NR4A3: variants seen among roughly 807,000 people sequenced by gnomAD.
NR4A3 encodes the protein chondrosarcoma, extraskeletal myxoid, fused to EWS.
NR4A3 carries 13 observed loss-of-function variants against 55.6 expected under a neutral mutation model. The observed-to-expected ratio is 0.23, with a 90% CI of 0.15 to 0.37. The LOEUF (loss-of-function observed/expected upper bound fraction) is 0.37. Among genes scored for constraint, NR4A3 ranks in the 10% least tolerant of loss-of-function variants. NR4A3 has a pLI of 1.00. For missense variants in NR4A3, 646 were observed against 822.8 expected (o/e 0.79, Z 2.63); for synonymous variants, 342 against 357.9 (o/e 0.96, Z 0.50).
chr9:99,833,589 G>A (rs376256137), intron 5 of NR4A3, 135 bp downstream of exon 5: 113 of 1,602,576 alleles, frequency 7.1e-5, no homozygotes, highest in Admixed American at 1.0e-4. Flanking sequence ...TATATTTCTC[G>A]CTTCATTTAG....
At chr9:99,847,728 T>C (rs2118121555) in intron 7 of NR4A3, 113 bp downstream of exon 7, 2 of 1,012,952 alleles carry the variant, frequency 2.0e-6, no homozygotes, top group South Asian at 3.3e-5. Flanking sequence ...GACTACCATT[T>C]TTCTGAAATC....
At chr9:99,857,172 CG>C (rs2118157471) in intron 7 of NR4A3, among the ~76,000 whole-genome samples, 1 of 151,984 alleles carries the variant, frequency 6.6e-6, no homozygotes, top group East Asian at 1.9e-4. Flanking sequence ...GAGATAATAA[CG>C]GAAGTTCTTG....
At chr9:99,851,962 C>T (rs552744461) in intron 7 of NR4A3, among the ~76,000 whole-genome samples, 6 of 152,158 alleles carry the variant, frequency 3.9e-5, no homozygotes, top group Non-Finnish European at 7.3e-5. Context: ...CAAAGATGAG[C>T]CAGGCACGCA....
At chr9:99,830,740 G>T (rs1312878436) in intron 3 of NR4A3, among the ~76,000 whole-genome samples, 1 of 152,114 alleles carries the variant, frequency 6.6e-6, no homozygotes, top group African/African-American at 2.4e-5. Context: ...GATTTTTACA[G>T]GATTTCAGTG....
chr9:99,832,182 C>G (rs1444925057), intron 3 of NR4A3, among the ~76,000 whole-genome samples: 3 of 152,008 alleles, frequency 2.0e-5, no homozygotes, highest in African/African-American at 7.2e-5. Flanking sequence ...ACATTATTTC[C>G]TATATGTTTT....
chr9:99,846,432 C>A (rs1360563983), intron 6 of NR4A3, among the ~76,000 whole-genome samples: 1 of 152,080 alleles, frequency 6.6e-6, no homozygotes. Flanking sequence ...AGCCACACCC[C>A]AAGTCATCAT....
intron 7 of NR4A3, among the ~76,000 whole-genome samples, chr9:99,850,124 C>T (rs1308725008): frequency 1.3e-5 from 2 of 152,026 alleles, no homozygotes; most frequent in African/African-American, 2.4e-5. Context: ...CAGGGTGGGG[C>T]GGGACATAAA....
Position 99,864,692 on chromosome 9 carries a change from A to C in NR4A3, c.*825A>C, listed in dbSNP as rs896445016. ...AGATCCCTGCCCTGACTGTCCAGCT[A>C]TCCTGAAAGTGGATCAGATTATAAA... On this transcript the variant is annotated 3_prime_UTR_variant, in exon 8 of 8. Coordinates refer to ENST00000395097, the MANE Select transcript of NR4A3 (RefSeq NM_006981.4). The C allele has an allele frequency of 3.2e-4, 73 of 227,140 alleles. No individual in the cohort carries two copies. Among genetic ancestry groups the C allele is most frequent in the African/African-American group, 1.6e-3 (71 of 45,096 alleles). The allele number at this position is 227,140 out of a possible 1,614,324, so 14.1% of individuals were successfully genotyped here.
chr9:99,833,560 A>G (rs1180423911), intron 5 of NR4A3, 106 bp downstream of exon 5: 3 of 1,610,360 alleles, frequency 1.9e-6, no homozygotes, highest in African/African-American at 1.3e-5. Flanking sequence ...ACCATGTTAG[A>G]CAGTTTTCAT....
Position 99,851,088 on chromosome 9 carries a change from C to G in NR4A3, c.1633+3473C>G, listed in dbSNP as rs1827841778. Reference sequence around the variant, plus strand: ...CTCTACAGTGGTGTCTTTGGGCCTCCCCGACCAGGTAGCTCCTGTTCCTGC... The same window carrying G: ...CTCTACAGTGGTGTCTTTGGGCCTCGCCGACCAGGTAGCTCCTGTTCCTGC... On this transcript the variant is annotated intron_variant, in intron 7 of 7. Coordinates refer to ENST00000395097, the MANE Select transcript of NR4A3 (RefSeq NM_006981.4). 3.3e-5 allele frequency among the ~76,000 whole-genome samples: 5 copies of G among 152,152 alleles called. No individual in the cohort carries two copies. In the South Asian group the frequency reaches 1.0e-3, roughly 32 times the overall value.
intron 3 of NR4A3, among the ~76,000 whole-genome samples, chr9:99,830,938 A>G (rs954390266): frequency 1.3e-5 from 2 of 152,188 alleles, no homozygotes; most frequent in African/African-American, 4.8e-5. Context: ...TTCTGCAGCA[A>G]TCCCTCGAAA....
chr9:99,841,956 C>T (rs372522775), intron 5 of NR4A3, among the ~76,000 whole-genome samples: 8 of 152,076 alleles, frequency 5.3e-5, no homozygotes, highest in Admixed American at 1.3e-4. Flanking sequence ...AGGAACAGAG[C>T]GAGACCCTGT....
intron 6 of NR4A3, among the ~76,000 whole-genome samples, chr9:99,847,221 G>A (rs1368713719): frequency 6.6e-6 from 1 of 152,220 alleles, no homozygotes; most frequent in African/African-American, 2.4e-5. Context: ...CCCCTGGGCT[G>A]ATGTTCACCA....
chr9:99,832,961 A>G, intron 4 of NR4A3, 143 bp downstream of exon 4: 1 of 722,358 alleles, frequency 1.4e-6, no homozygotes, highest in Non-Finnish European at 2.1e-6. Flanking sequence ...ATATATCTAC[A>G]TTTTAAAATA....
At chr9:99,823,505 GAGA>G (rs1476846433) in intron 1 of NR4A3, among the ~76,000 whole-genome samples, 8 of 152,172 alleles carry the variant, frequency 5.3e-5, no homozygotes, top group East Asian at 3.9e-4. Context: ...GGTGCTGGGA[GAGA>G]AGAACAGGGA....
intron 2 of NR4A3, among the ~76,000 whole-genome samples, chr9:99,827,290 GTATATA>G (rs56749651): frequency 7.2e-6 from 1 of 139,004 alleles, no homozygotes; most frequent in Non-Finnish European, 1.6e-5. Flanking sequence ...GTGTGTGTGT[GTATATA>G]TATATATATG....
chr9:99,834,127 G>A, intron 5 of NR4A3: 2 of 805,692 alleles, frequency 2.5e-6, no homozygotes, highest in Non-Finnish European at 3.1e-6. Flanking sequence ...CATAAATGAC[G>A]ATTGGTGTTG....
chr9:99,827,706 T>C (rs1174774829), intron 2 of NR4A3, among the ~76,000 whole-genome samples: 1 of 152,220 alleles, frequency 6.6e-6, no homozygotes, highest in Non-Finnish European at 1.5e-5. Context: ...CCAATTAGTT[T>C]ATAGGATTCA....
intron 5 of NR4A3, among the ~76,000 whole-genome samples, chr9:99,839,225 A>G (rs1196648374): frequency 1.3e-5 from 2 of 152,240 alleles, no homozygotes; most frequent in East Asian, 3.8e-4. Context: ...TTCATTGCCA[A>G]TTTTTAAAAT....
Sources: gnomAD v4.1 joint callset for allele counts (sites outside exome capture counted in the v4.1 genomes callset) on GRCh38, gnomAD v4.1.1 for gene constraint, MANE v1.5 for transcripts, NCBI Gene and HGNC (gene_info 2026-07-23, HGNC 2026-07-21) for gene names.